Variants in SLC25A40 observed in about 807,000 individuals in gnomAD.
SLC25A40 encodes mitochondrial glutathione transporter SLC25A40.
Under a neutral mutation model 46.5 loss-of-function variants are expected in SLC25A40, and 41 were observed. The ratio of observed to expected loss-of-function variants is 0.88; its 90% CI spans 0.69 to 1.14. The LOEUF is 1.14. Among genes scored for constraint, SLC25A40 ranks in the 50% most tolerant of loss-of-function variants. The pLI, the probability that SLC25A40 is intolerant of heterozygous loss-of-function variation, is 0.00. For missense variants in SLC25A40, 386 were observed against 393.6 expected, an observed-to-expected ratio of 0.98 and a Z score of 0.16; for synonymous variants, 126 against 127.5, an observed-to-expected ratio of 0.99 and a Z score of 0.08.
rs1838834215 is a variant in SLC25A40, at chr7:87,868,118, A to G, written c.-93-7478T>C. Among the ~76,000 whole-genome samples, 3 of 152,108 alleles carry G rather than the reference A, an allele frequency of 2.0e-5. No individual in the cohort carries two copies. In the South Asian group the frequency reaches 6.2e-4, roughly 32 times the overall value. ...CCTTCAGGCACTGCCAATGCTTCCA[A>G]TGAGTCGAGGGAGGAGGAATTCTCC... On this transcript the variant is annotated intron_variant, in intron 1 of 11. Coordinates refer to ENST00000341119, the MANE Select transcript of SLC25A40 (RefSeq NM_018843.4).
rs150502281 is a variant in SLC25A40 at position 87,865,908 on chromosome 7, C to T, written c.-93-5268G>A. On this transcript the variant is annotated intron_variant, in intron 1 of 11. Transcript: ENST00000341119. ...ACCAGCATGGGCAACATGGTGAAAC[C>T]CCATCTCTACAAAAAAATACAGAAA... Among the ~76,000 whole-genome samples the T allele has an allele frequency of 3.9e-3, 587 of 152,142 alleles. 7 individuals are homozygous for T. The highest frequency in any genetic ancestry group is 0.014 in the African/African-American group (561 of 41,506).
At chr7:87,837,522 T>G (rs2130993825) in intron 10 of SLC25A40, among the ~76,000 whole-genome samples, 1 of 151,314 alleles carries the variant, frequency 6.6e-6, no homozygotes, top group East Asian at 1.9e-4. Context: ...CTCGCTTATT[T>G]GCAACCACTC....
chr7:87,835,813 ACTGAAAT>A lies in SLC25A40; in HGVS notation c.*429_*435del, dbSNP rs1838251109. 6.5e-6 allele frequency: 1 copy of A among 153,060 alleles called. No individual in the cohort carries two copies. The highest frequency in any genetic ancestry group is 2.4e-5 in the African/African-American group (1 of 41,392). The allele number at this position is 153,060 out of a possible 1,614,324, so 9.5% of individuals were successfully genotyped here. ...ATTTAACGAGTGCTTTATCTACTTT[ACTGAAAT>A]ACGGAAATACTTATGTACACGATTT... On this transcript the variant is annotated 3_prime_UTR_variant, in exon 12 of 12. Transcript: ENST00000341119.
chr7:87,854,456 T>C (rs2131008782), intron 4 of SLC25A40, 146 bp from the exon 5 acceptor site: 1 of 592,380 alleles, frequency 1.7e-6, no homozygotes, highest in East Asian at 2.9e-5. Context: ...CATCTCTACT[T>C]TTTAGGATGA....
At position 87,858,667 on chromosome 7, in the gene SLC25A40, C is replaced by A. The variant is rs1838650831; in HGVS notation, c.61G>T (p.Ala21Ser). 1.9e-6 allele frequency: 3 copies of A among 1,611,874 alleles called. No individual in the cohort carries two copies. In the Admixed American group the frequency reaches 5.0e-5, roughly 27 times the overall value. The change falls in exon 3 of 12, where the codon GCC becomes TCC. Residue 21 changes from alanine (A) to serine (S), a missense_variant. Ala to Ser is a moderately conservative substitution (Grantham distance 99). Coordinates refer to ENST00000341119, the MANE Select transcript of SLC25A40 (RefSeq NM_018843.4). ...IKVTPLQQML[A>S]SCTGAILTSV... ...GTCAGTATAGCTCCAGTACATGAGG[C>A]AAGCATTTGTTGAAGAGGTGTCACT...
At chr7:87,839,024 G>C (rs1168252055) in intron 10 of SLC25A40, among the ~76,000 whole-genome samples, 1 of 151,454 alleles carries the variant, frequency 6.6e-6, no homozygotes, top group Non-Finnish European at 1.5e-5. Context: ...ATGTGCAAAA[G>C]TTTCCCTAGG....
intron 6 of SLC25A40, among the ~76,000 whole-genome samples, 199 bp downstream of exon 6, chr7:87,849,680 CTG>C (rs1204436697): frequency 6.6e-6 from 1 of 152,172 alleles, no homozygotes; most frequent in Non-Finnish European, 1.5e-5. Context: ...TAAACCGTAT[CTG>C]TGAATGTAAC....
At chr7:87,852,197 T>C (rs1838523965) in intron 5 of SLC25A40, among the ~76,000 whole-genome samples, 1 of 152,190 alleles carries the variant, frequency 6.6e-6, no homozygotes. Flanking sequence ...CCTGGCAATA[T>C]TTTTTTGTAA....
chr7:87,861,896 T>C (rs2131015855), intron 1 of SLC25A40, among the ~76,000 whole-genome samples: 1 of 152,244 alleles, frequency 6.6e-6, no homozygotes, highest in African/African-American at 2.4e-5. Flanking sequence ...TTAATGAAAT[T>C]GTTTCATAAC....
At chr7:87,851,646 G>A (rs566470912) in intron 5 of SLC25A40, among the ~76,000 whole-genome samples, 11 of 152,282 alleles carry the variant, frequency 7.2e-5, no homozygotes, top group African/African-American at 2.6e-4. Flanking sequence ...ACCGTCAGTG[G>A]AAACCATATA....
chr7:87,856,235 A>C (rs571288517), intron 4 of SLC25A40, 57 bp downstream of exon 4: 54 of 1,396,682 alleles, frequency 3.9e-5, no homozygotes, highest in African/African-American at 2.3e-4. Flanking sequence ...AAAAAAAAAA[A>C]CCACAGGAAC....
Position 87,833,635 on chromosome 7 carries a change from C to CT in SLC25A40, c.*2613dup, listed in dbSNP as rs1356229739. 6.6e-6 allele frequency: 1 copy of CT among 151,826 alleles called. No individual in the cohort carries two copies. Among genetic ancestry groups the CT allele is most frequent in the Admixed American group, 6.6e-5 (1 of 15,188 alleles). 9.4% of individuals were successfully genotyped at this position (151,826 alleles called of 1,614,324 possible). ...GAAAATTCAAAAGGGATACAATAAA[C>CT]TTTTCCATATCCCAAAAACTTGTGC... On this transcript the variant is annotated 3_prime_UTR_variant, in exon 12 of 12. Transcript: ENST00000341119.
At chr7:87,854,411 C>A (rs182668082) in intron 4 of SLC25A40, 101 bp from the exon 5 acceptor site, 9 of 674,788 alleles carry the variant, frequency 1.3e-5, no homozygotes, top group Non-Finnish European at 2.0e-5. Context: ...TAGAAAATTA[C>A]GAAAAGAGAA....
At chr7:87,863,545 T>C (rs1366673624) in intron 1 of SLC25A40, among the ~76,000 whole-genome samples, 1 of 151,778 alleles carries the variant, frequency 6.6e-6, no homozygotes, top group Non-Finnish European at 1.5e-5. Context: ...GGTATGTCTT[T>C]ATTAGCAGTG....
At chr7:87,855,470 T>A (rs1838597161) in intron 4 of SLC25A40, among the ~76,000 whole-genome samples, 1 of 151,678 alleles carries the variant, frequency 6.6e-6, no homozygotes, top group Non-Finnish European at 1.5e-5. Flanking sequence ...AATACCAACT[T>A]CTTCCCACTT....
chr7:87,848,110 G>A, intron 6 of SLC25A40, 133 bp from the exon 7 acceptor site: 1 of 974,716 alleles, frequency 1.0e-6, no homozygotes, highest in Admixed American at 3.6e-5. Flanking sequence ...CAATAAATCA[G>A]CCTATGAGAT....
intron 5 of SLC25A40, among the ~76,000 whole-genome samples, chr7:87,852,348 C>T (rs920700772): frequency 6.6e-6 from 1 of 152,046 alleles, no homozygotes; most frequent in African/African-American, 2.4e-5. Flanking sequence ...TGGGAGGCCA[C>T]GGCAGGAGGA....
intron 1 of SLC25A40, among the ~76,000 whole-genome samples, chr7:87,875,797 G>A (rs541270533): frequency 6.6e-6 from 1 of 152,362 alleles, no homozygotes; most frequent in African/African-American, 2.4e-5. Flanking sequence ...GTTCTGCGGT[G>A]GCGCTGCCGT....
chr7:87,853,946 A>G (rs1838559553), intron 5 of SLC25A40, among the ~76,000 whole-genome samples: 1 of 152,196 alleles, frequency 6.6e-6, no homozygotes. Flanking sequence ...AGAAAAGGGT[A>G]CATGAAATCT....
Sources: allele counts gnomAD v4.1 joint callset (sites outside exome capture counted in the v4.1 genomes callset), GRCh38; gene constraint gnomAD v4.1.1; transcripts MANE v1.5; gene names NCBI Gene and HGNC (gene_info 2026-07-23, HGNC 2026-07-21).